TBXAS1: variants seen among roughly 807,000 people sequenced by gnomAD.
The protein encoded by TBXAS1 is thromboxane A synthase 1.
In TBXAS1, 48 loss-of-function variants were observed where a neutral mutation model predicts 60.7. The observed-to-expected ratio is 0.79, with a 90% CI of 0.63 to 1.01. The LOEUF (loss-of-function observed/expected upper bound fraction) is 1.01. Ranked by LOEUF, TBXAS1 falls within the 50% of genes least tolerant of loss-of-function variation. The pLI, the probability that TBXAS1 is intolerant of heterozygous loss-of-function variation, is 0.00. For missense variants in TBXAS1, 685 were observed against 686.3 expected, an observed-to-expected ratio of 1.00 and a Z score of 0.02; for synonymous variants, 287 against 269.7, an observed-to-expected ratio of 1.06 and a Z score of -0.63.
At chr7:139,951,950 A>AGAAAGAAAG (rs1554496761) in intron 5 of TBXAS1, among the ~76,000 whole-genome samples, 1 of 42,008 alleles carries the variant, frequency 2.4e-5, no homozygotes, top group African/African-American at 9.1e-5. Flanking sequence ...GGAAAGAAAG[A>AGAAAGAAAG]AAAGAAAGAA....
At position 140,014,035 on chromosome 7, in the gene TBXAS1, T is replaced by C. The variant is rs114536175; in HGVS notation, c.1227-1688T>C. 7.9e-3 allele frequency among the ~76,000 whole-genome samples: 1,201 copies of C among 152,310 alleles called. 17 individuals carry two copies. The highest frequency in any genetic ancestry group is 0.026 in the African/African-American group (1,093 of 41,576). ...ACAGCCTCAAGCACCTGGGTCTTGCTCCAGCTCCAGCTCCCTGTTCTAGGC... is the reference window on the plus strand; with the variant it reads ...ACAGCCTCAAGCACCTGGGTCTTGCCCCAGCTCCAGCTCCCTGTTCTAGGC... On this transcript the variant is annotated intron_variant, in intron 10 of 12. Coordinates refer to ENST00000448866, the MANE Select transcript of TBXAS1 (RefSeq NM_001061.7).
intron 8 of TBXAS1, among the ~76,000 whole-genome samples, chr7:139,960,279 T>G (rs990931860): frequency 2.0e-5 from 3 of 152,188 alleles, no homozygotes; most frequent in Non-Finnish European, 4.4e-5. Flanking sequence ...CTAAAGAGCA[T>G]TCACTTGTCA....
At chr7:139,800,462 A>G (rs561262737) in intron 4 of TBXAS1, among the ~76,000 whole-genome samples, 40 of 152,218 alleles carry the variant, frequency 2.6e-4, no homozygotes, top group Admixed American at 7.2e-4. Flanking sequence ...AAATATCTTC[A>G]GAGAAGCCCT....
At chr7:139,952,576 GA>G in intron 5 of TBXAS1, 1 of 1,537,234 alleles carries the variant, frequency 6.5e-7, no homozygotes, top group Non-Finnish European at 8.7e-7. Context: ...ATGCAAGAGA[GA>G]ATAAAAGGTC....
chr7:139,790,693 GA>G (rs1462366664), intron 4 of TBXAS1, among the ~76,000 whole-genome samples: 1 of 152,206 alleles, frequency 6.6e-6, no homozygotes, highest in Non-Finnish European at 1.5e-5. Flanking sequence ...AATTCATTCT[GA>G]TGGATAAGAT....
chr7:139,951,943 A>G (rs1226922526), intron 5 of TBXAS1, among the ~76,000 whole-genome samples: 234 of 23,234 alleles, frequency 0.01, 22 homozygotes, highest in Middle Eastern at 0.074. Flanking sequence ...GAAAGAAGGA[A>G]AGAAAGAAAA....
At chr7:140,002,094 C>A (rs923543417) in intron 9 of TBXAS1, among the ~76,000 whole-genome samples, 21 of 152,194 alleles carry the variant, frequency 1.4e-4, no homozygotes, top group Non-Finnish European at 3.1e-4. Context: ...GAATCATGCT[C>A]GCCAATTCCA....
chr7:139,851,561 C>T (rs1380819001), intron 1 of TBXAS1, among the ~76,000 whole-genome samples: 2 of 152,188 alleles, frequency 1.3e-5, no homozygotes, highest in Non-Finnish European at 2.9e-5. Context: ...CAGATCCTAT[C>T]TACTCTCTTA....
At chr7:139,893,736 G>C (rs1167990768) in intron 3 of TBXAS1, among the ~76,000 whole-genome samples, 1 of 151,798 alleles carries the variant, frequency 6.6e-6, no homozygotes, top group Non-Finnish European at 1.5e-5. Flanking sequence ...TTTTTTTATT[G>C]TTATGAGATA....
intron 3 of TBXAS1, among the ~76,000 whole-genome samples, chr7:139,877,811 T>A (rs2116849045): frequency 1.3e-5 from 2 of 151,324 alleles, no homozygotes; most frequent in Middle Eastern, 6.8e-3. Context: ...CTCACCAGTC[T>A]ATTGCTTTTT....
intron 5 of TBXAS1, chr7:139,952,704 T>C (rs1809512354): frequency 1.3e-6 from 2 of 1,510,722 alleles, no homozygotes; most frequent in Non-Finnish European, 1.8e-6. Flanking sequence ...TTAGGAATTT[T>C]CTAACATAAA....
intron 1 of TBXAS1, among the ~76,000 whole-genome samples, chr7:139,848,640 A>G (rs1799991383): frequency 6.6e-6 from 1 of 152,196 alleles, no homozygotes; most frequent in African/African-American, 2.4e-5. Context: ...GCTGCTCCTG[A>G]CAGGTCACAG....
chr7:139,990,874 A>G (rs1343516239), intron 9 of TBXAS1, among the ~76,000 whole-genome samples: 1 of 152,130 alleles, frequency 6.6e-6, no homozygotes, highest in African/African-American at 2.4e-5. Context: ...GAGGGACTCC[A>G]GTCCAGTGTG....
chr7:140,002,888 C>T (rs1483013532), intron 9 of TBXAS1, among the ~76,000 whole-genome samples: 2 of 152,074 alleles, frequency 1.3e-5, no homozygotes, highest in Non-Finnish European at 2.9e-5. Flanking sequence ...CTTTGGGAGG[C>T]CGAGGCAGGC....
chr7:140,012,428 A>G (rs1814688403), intron 10 of TBXAS1, among the ~76,000 whole-genome samples: 1 of 151,258 alleles, frequency 6.6e-6, no homozygotes. Flanking sequence ...GCTCTATCTC[A>G]TCCTTTAAAA....
intron 4 of TBXAS1, among the ~76,000 whole-genome samples, chr7:139,798,758 A>G (rs1004496788): frequency 3.9e-5 from 6 of 152,256 alleles, no homozygotes; most frequent in Non-Finnish European, 8.8e-5. Context: ...TGAATTACGT[A>G]GAGTGGTGTG....
chr7:139,785,041 G>T (rs1797143282), intron 3 of TBXAS1, among the ~76,000 whole-genome samples: 1 of 152,184 alleles, frequency 6.6e-6, no homozygotes, highest in Admixed American at 6.5e-5. Context: ...AGGAATCTCT[G>T]GGGGTGGCAC....
At chr7:139,881,849 T>C (rs751658898) in intron 3 of TBXAS1, among the ~76,000 whole-genome samples, 1 of 151,670 alleles carries the variant, frequency 6.6e-6, no homozygotes, top group Non-Finnish European at 1.5e-5. Context: ...AAGTTGGAGG[T>C]TTTTAGCACC....
intron 9 of TBXAS1, among the ~76,000 whole-genome samples, chr7:139,976,057 T>C (rs1269753549): frequency 6.6e-6 from 1 of 152,248 alleles, no homozygotes; most frequent in Non-Finnish European, 1.5e-5. Context: ...CCTCTGGGAT[T>C]TTCCACGAAT....
Sources: allele counts gnomAD v4.1 joint callset (sites outside exome capture counted in the v4.1 genomes callset), GRCh38; gene constraint gnomAD v4.1.1; transcripts MANE v1.5; gene names NCBI Gene and HGNC (gene_info 2026-07-23, HGNC 2026-07-21).